Variants in OR1M1 observed in about 807,000 individuals in gnomAD.
OR1M1 encodes olfactory receptor family 1 subfamily M member 1.
For synonymous variants in OR1M1, 157 were observed against 165.5 expected (o/e 0.95, Z 0.39); for missense variants, 397 against 401.8 (o/e 0.99, Z 0.10).
Position 9,094,115 on chromosome 19 carries a change from A to C in OR1M1, c.871A>C (p.Ser291Arg). 6.2e-7 allele frequency: 1 copy of C among 1,613,792 alleles called. No individual in the cohort carries two copies. Among genetic ancestry groups the C allele is most frequent in the Admixed American group, 1.7e-5 (1 of 59,968 alleles). ...CCCCATGCTGAATCCCTTCATCTAC[A>C]GCTTGAGGAACAGAGACCTGAAAGG... ...VTPMLNPFIYSLRNRDLKGAL... is the reference protein window; with the variant it reads ...VTPMLNPFIYRLRNRDLKGAL... The change falls in exon 2 of 2, where the codon AGC becomes CGC. Residue 291 changes from serine to arginine, a missense_variant. By Grantham distance (110) the Ser-to-Arg change is moderately radical. Transcript: ENST00000641627.
At chr19:9,087,577 G>A (rs2050271315) in intron 1 of OR1M1, among the ~76,000 whole-genome samples, 1 of 151,802 alleles carries the variant, frequency 6.6e-6, no homozygotes, top group Admixed American at 6.6e-5. Context: ...TCAGCCTCCC[G>A]AGTAGCTGGG....
At position 9,093,661 on chromosome 19, in the gene OR1M1, C is replaced by T. The variant is rs1475811685; in HGVS notation, c.417C>T (p.Arg139=). The T allele has an allele frequency of 1.5e-5, 24 of 1,614,186 alleles. No homozygotes were observed. Among genetic ancestry groups the T allele is most frequent in the Non-Finnish European group, 2.0e-5 (24 of 1,180,054 alleles). ...PLHYAKIMSL[R]LCRLLVGALW... is the part of the protein sequence containing the mutation. ...ACTACGCCAAGATCATGAGCCTACG[C>T]CTCTGTCGCCTGCTGGTCGGCGCCC... Residue 139 remains arginine, a synonymous_variant, in exon 2 of 2, where the codon CGC becomes CGT. Transcript: ENST00000641627.
chr19:9,093,366 G>A lies in OR1M1; in HGVS notation c.122G>A (p.Gly41Glu), dbSNP rs146220322. 775 of 1,613,768 alleles carry A rather than the reference G, an allele frequency of 4.8e-4. No individual in the cohort carries two copies. Among genetic ancestry groups the A allele is most frequent in the Non-Finnish European group, 6.3e-4 (743 of 1,179,940 alleles). The change falls in exon 2 of 2, where the codon GGG (glycine) becomes GAG (glutamate). Residue 41 changes from glycine (G) to glutamate (E), a missense_variant. Physicochemically the swap from Gly to Glu is moderately conservative, Grantham distance 98 (BLOSUM62 -2). Transcript: ENST00000641627. Reference protein sequence around the residue: ...FFCMYLVMVVGNLLIILAISI... With the variant: ...FFCMYLVMVVENLLIILAISI... ...TGCATGTACCTGGTCATGGTCGTGGGGAACCTGCTCATCATCCTGGCCATC... is the reference window on the plus strand; with the variant it reads ...TGCATGTACCTGGTCATGGTCGTGGAGAACCTGCTCATCATCCTGGCCATC...
intron 1 of OR1M1, 135 bp downstream of exon 1, chr19:9,087,292 T>A (rs1371160196): frequency 1.3e-5 from 2 of 152,186 alleles, no homozygotes; most frequent in Non-Finnish European, 1.5e-5. Context: ...ATTTATTTAT[T>A]TTAGAGACAG....
intron 1 of OR1M1, among the ~76,000 whole-genome samples, chr19:9,091,287 G>C (rs1010404268): frequency 6.6e-6 from 1 of 151,366 alleles, no homozygotes; most frequent in Non-Finnish European, 1.5e-5. Context: ...TCAGGCGTTC[G>C]AGACCAGCCT....
Position 9,094,330 on chromosome 19 carries a change from T to G in OR1M1, c.*144T>G. ...ATTTAGAGATGGGGTCTCACTATGT[T>G]GCCCGTGCTGGAGTGCAGTGGCGTG... On this transcript the variant is annotated 3_prime_UTR_variant, in exon 2 of 2. Coordinates refer to ENST00000641627, the MANE Select transcript of OR1M1 (RefSeq NM_001004456.2). The G allele has an allele frequency of 1.7e-6, 1 of 587,840 alleles. No homozygotes were observed. Among genetic ancestry groups the G allele is most frequent in the South Asian group, 2.3e-5 (1 of 44,130 alleles). 36.4% of individuals were successfully genotyped at this position (587,840 alleles called of 1,614,324 possible). A position where few individuals can be genotyped will look rare whatever the true frequency, so the allele number is the denominator to read the frequency against.
At chr19:9,093,054 C>A in intron 1 of OR1M1, 178 bp from the exon 2 acceptor site, 1 of 343,736 alleles carries the variant, frequency 2.9e-6, no homozygotes, top group Admixed American at 4.6e-5. Flanking sequence ...TATATATATA[C>A]ACACACACAT....
chr19:9,091,340 A>G (rs980338345), intron 1 of OR1M1, among the ~76,000 whole-genome samples: 12 of 150,492 alleles, frequency 8.0e-5, no homozygotes, highest in African/African-American at 2.9e-4. Context: ...TTTTTTAAAT[A>G]GTATTTGCAC....
rs1269516060 is a variant in OR1M1 at position 9,094,073 on chromosome 19, A to T, written c.829A>T (p.Met277Leu). 1 of 1,613,174 alleles carries T rather than the reference A, an allele frequency of 6.2e-7. No individual in the cohort carries two copies. The highest frequency in any genetic ancestry group is 8.5e-7 in the Non-Finnish European group (1 of 1,179,310). The change falls in exon 2 of 2, where the codon ATG (methionine) becomes TTG (leucine). Residue 277 changes from methionine (M) to leucine (L), a missense_variant. By Grantham distance (15) the Met-to-Leu change is conservative. Coordinates refer to ENST00000641627, the MANE Select transcript of OR1M1 (RefSeq NM_001004456.2). Reference protein sequence around the residue: ...TTVKEKASAVMYTAVTPMLNP... With the variant: ...TTVKEKASAVLYTAVTPMLNP... ...TGTGAAGGAGAAAGCTTCTGCGGTG[A>T]TGTACACAGCAGTCACCCCCATGCT...
At chr19:9,091,066 C>T (rs2050290243) in intron 1 of OR1M1, among the ~76,000 whole-genome samples, 1 of 151,874 alleles carries the variant, frequency 6.6e-6, no homozygotes, top group African/African-American at 2.4e-5. Flanking sequence ...ACTCGGGAGT[C>T]TGAGGCAGGA....
chr19:9,091,342 T>C (rs1384926531), intron 1 of OR1M1, among the ~76,000 whole-genome samples: 1 of 151,316 alleles, frequency 6.6e-6, no homozygotes, highest in African/African-American at 2.4e-5. Flanking sequence ...TTTTAAATAG[T>C]ATTTGCACCA....
chr19:9,093,061 A>G, intron 1 of OR1M1, 171 bp from the exon 2 acceptor site: 1 of 425,590 alleles, frequency 2.3e-6, no homozygotes. Context: ...ATACACACAC[A>G]CATATATATT....
Position 9,093,611 on chromosome 19 carries a change from T to C in OR1M1, c.367T>C (p.Phe123Leu). Residue 123 changes from phenylalanine (F) to leucine (L), a missense_variant, in exon 2 of 2, where the codon TTC (phenylalanine) becomes CTC (leucine). Coordinates refer to ENST00000641627, the MANE Select transcript of OR1M1 (RefSeq NM_001004456.2). ...AATCGCCATGATGGCTTATGACCGG[T>C]TCGTGGCCATCTGCCACCCATTGCA... Reference protein sequence around the residue: ...VIIAMMAYDRFVAICHPLHYA... With the variant: ...VIIAMMAYDRLVAICHPLHYA... The C allele has an allele frequency of 1.2e-6, 2 of 1,614,202 alleles. No homozygotes were observed. The highest frequency in any genetic ancestry group is 3.3e-4 in the Middle Eastern group (2 of 6,062).
At chr19:9,090,818 G>A (rs1215059571) in intron 1 of OR1M1, among the ~76,000 whole-genome samples, 3 of 151,930 alleles carry the variant, frequency 2.0e-5, no homozygotes, top group Admixed American at 6.6e-5. Context: ...GAAGTAATAA[G>A]AGCCTTTCAT....
At position 9,093,918 on chromosome 19, in the gene OR1M1, T is replaced by A; in HGVS notation, c.674T>A (p.Ile225Asn). The A allele has an allele frequency of 6.2e-7, 1 of 1,614,152 alleles. No homozygotes were observed. The highest frequency in any genetic ancestry group is 8.5e-7 in the Non-Finnish European group (1 of 1,180,034). Residue 225 changes from isoleucine to asparagine, a missense_variant, in exon 2 of 2, where the codon ATC (isoleucine) becomes AAC (asparagine). Transcript: ENST00000641627. ...LASYARILVA[I>N]MKVPSAGGRK... Reference sequence around the variant, plus strand: ...TCCTATGCTCGCATCCTTGTGGCCATCATGAAGGTCCCCTCTGCAGGCGGC... The same window carrying A: ...TCCTATGCTCGCATCCTTGTGGCCAACATGAAGGTCCCCTCTGCAGGCGGC...
Position 9,094,156 on chromosome 19 carries a change from G to T in OR1M1, c.912G>T (p.Leu304=), listed in dbSNP as rs933081278. The part of the protein sequence containing the change: ...NRDLKGALRK[L]VNRKITSSS ...ACCTGAAAGGGGCTCTCAGGAAGCT[G>T]GTCAACAGAAAGATCACCTCATCTT... is the stretch of plus-strand genomic sequence containing the variant. The change falls in exon 2 of 2, where the codon CTG becomes CTT. Residue 304 remains leucine, a synonymous_variant. Transcript: ENST00000641627. The T allele has an allele frequency of 6.2e-7, 1 of 1,610,548 alleles. No individual in the cohort carries two copies. The highest frequency in any genetic ancestry group is 8.5e-7 in the Non-Finnish European group (1 of 1,179,652).
chr19:9,093,977 C>G lies in OR1M1; in HGVS notation c.733C>G (p.Leu245Val), dbSNP rs79123966. The change falls in exon 2 of 2, where the codon CTG (leucine) becomes GTG (valine). Residue 245 changes from leucine to valine, a missense_variant. By Grantham distance (32) the Leu-to-Val change is conservative (BLOSUM62 1). Coordinates refer to ENST00000641627, the MANE Select transcript of OR1M1 (RefSeq NM_001004456.2). Reference protein sequence around the residue: ...KKAFSTCSSHLSVVALFYGTT... With the variant: ...KKAFSTCSSHVSVVALFYGTT... ...AGCCTTCTCCACCTGCAGCTCCCAC[C>G]TGTCTGTGGTTGCTCTCTTCTATGG... The G allele has an allele frequency of 7.5e-4, 1,205 of 1,614,162 alleles. 5 individuals carry two copies. In the African/African-American group the frequency reaches 0.015, roughly 20 times the overall value.
rs115262881 is a variant in OR1M1 at position 9,093,572 on chromosome 19, G to A, written c.328G>A (p.Val110Met). The stretch of plus-strand genomic sequence containing the variant: ...GTACTTCTTCCATTTCTTTGGCATC[G>A]TGGACAGCGTCATAATCGCCATGAT... ...QMYFFHFFGI[V>M]DSVIIAMMAY... The change falls in exon 2 of 2, where the codon GTG (valine) becomes ATG (methionine). Residue 110 changes from valine (V) to methionine (M), a missense_variant. By Grantham distance (21) the Val-to-Met change is conservative. Coordinates refer to ENST00000641627, the MANE Select transcript of OR1M1 (RefSeq NM_001004456.2). 1.2e-3 allele frequency: 1,960 copies of A among 1,614,116 alleles called. 19 individuals carry two copies. The African/African-American group carries it at 0.023, about 19-fold the overall frequency.
chr19:9,088,766 T>A (rs2145902520), intron 1 of OR1M1, among the ~76,000 whole-genome samples: 1 of 152,104 alleles, frequency 6.6e-6, no homozygotes, highest in East Asian at 1.9e-4. Flanking sequence ...TGGGTGCCTG[T>A]AATCCCAGCT....
Sources: gnomAD v4.1 joint callset for allele counts (sites outside exome capture counted in the v4.1 genomes callset) on GRCh38, gnomAD v4.1.1 for gene constraint, MANE v1.5 for transcripts, NCBI Gene and HGNC (gene_info 2026-07-23, HGNC 2026-07-21) for gene names.